Variants in ZDHHC20 observed in about 807,000 individuals in gnomAD.
ZDHHC20 encodes palmitoyltransferase ZDHHC20.
ZDHHC20 carries 43 observed loss-of-function variants against 57.8 expected under a neutral mutation model. The ratio of observed to expected loss-of-function variants is 0.74; its 90% CI spans 0.58 to 0.96. ZDHHC20 has a LOEUF of 0.96. Ranked by LOEUF, ZDHHC20 falls within the 40% of genes least tolerant of loss-of-function variation. The pLI, the probability that ZDHHC20 is intolerant of heterozygous loss-of-function variation, is 0.00. For missense variants in ZDHHC20, 391 were observed against 441.1 expected (o/e 0.89, Z 1.02); for synonymous variants, 157 against 153.0 (o/e 1.03, Z -0.19).
At chr13:21,436,372 C>T (rs1006147419) in intron 1 of ZDHHC20, among the ~76,000 whole-genome samples, 6 of 152,178 alleles carry the variant, frequency 3.9e-5, no homozygotes, top group African/African-American at 9.7e-5. Context: ...TTTTACAAAT[C>T]GAAGGTTGTG....
intron 1 of ZDHHC20, among the ~76,000 whole-genome samples, chr13:21,436,837 C>CGCTA (rs1882599473): frequency 6.6e-6 from 1 of 152,172 alleles, no homozygotes; most frequent in African/African-American, 2.4e-5. Context: ...ACAGGATAAA[C>CGCTA]GCTAGGCCTC....
Position 21,373,181 on chromosome 13 carries a change from G to T in ZDHHC20, c.*3515C>A, listed in dbSNP as rs1290854582. ...AAAAATACTTTCCATTGATAGCAGT[G>T]CTAGTCCCTAGAACAAAAGGTAAGC... On this transcript the variant is annotated 3_prime_UTR_variant, in exon 13 of 13. Transcript: ENST00000400590. 3.9e-5 allele frequency: 6 copies of T among 152,108 alleles called. No homozygotes were observed. The highest frequency in any genetic ancestry group is 8.8e-5 in the Non-Finnish European group (6 of 67,990). The allele number at this position is 152,108 out of a possible 1,614,324, so 9.4% of individuals were successfully genotyped here.
At chr13:21,381,158 C>G (rs965201554) in intron 11 of ZDHHC20, among the ~76,000 whole-genome samples, 2 of 152,088 alleles carry the variant, frequency 1.3e-5, no homozygotes, top group Admixed American at 6.5e-5. Flanking sequence ...AGGCGCCCGC[C>G]ACCACGCCCG....
intron 1 of ZDHHC20, among the ~76,000 whole-genome samples, chr13:21,435,672 T>C (rs1593263399): frequency 6.6e-6 from 1 of 152,326 alleles, no homozygotes; most frequent in East Asian, 1.9e-4. Flanking sequence ...GAAGAAATCA[T>C]GGAATTAGAA....
intron 1 of ZDHHC20, among the ~76,000 whole-genome samples, chr13:21,431,248 T>C (rs187820949): frequency 1.7e-4 from 26 of 152,240 alleles, no homozygotes; most frequent in South Asian, 4.1e-4. Context: ...AAAGGCACTT[T>C]TTACACAGTG....
chr13:21,386,036 T>C (rs1393457257), intron 9 of ZDHHC20, among the ~76,000 whole-genome samples: 5 of 152,194 alleles, frequency 3.3e-5, no homozygotes, highest in African/African-American at 1.2e-4. Context: ...CTTCAAAATT[T>C]CTGTTTAGAG....
intron 11 of ZDHHC20, among the ~76,000 whole-genome samples, chr13:21,380,041 T>C (rs1195976029): frequency 2.0e-5 from 3 of 151,750 alleles, no homozygotes; most frequent in African/African-American, 7.3e-5. Context: ...GGTCTCGATC[T>C]CGTGACCTCG....
intron 1 of ZDHHC20, among the ~76,000 whole-genome samples, chr13:21,439,060 A>C (rs1882853245): frequency 6.6e-6 from 1 of 152,146 alleles, no homozygotes; most frequent in Non-Finnish European, 1.5e-5. Flanking sequence ...GAAACCAAAA[A>C]CTTGTATGAC....
intron 1 of ZDHHC20, among the ~76,000 whole-genome samples, chr13:21,431,860 A>T (rs1381541010): frequency 2.0e-5 from 3 of 152,180 alleles, no homozygotes; most frequent in East Asian, 3.9e-4. Context: ...ACAAATCTTG[A>T]TATGTGTGTG....
At chr13:21,388,412 T>C (rs2137698201) in intron 8 of ZDHHC20, among the ~76,000 whole-genome samples, 1 of 150,424 alleles carries the variant, frequency 6.6e-6, no homozygotes, top group South Asian at 2.1e-4. Context: ...TGGGAAGGAG[T>C]CTAGAAAAGT....
chr13:21,409,814 T>C (rs1195458703), intron 4 of ZDHHC20, among the ~76,000 whole-genome samples: 1 of 152,218 alleles, frequency 6.6e-6, no homozygotes, highest in African/African-American at 2.4e-5. Flanking sequence ...CTTGGCTTCC[T>C]TGCATTTGGT....
At chr13:21,409,861 C>T (rs954646088) in intron 4 of ZDHHC20, among the ~76,000 whole-genome samples, 7 of 152,150 alleles carry the variant, frequency 4.6e-5, no homozygotes, top group Non-Finnish European at 8.8e-5. Context: ...AGTTTATTAT[C>T]CACCTTCTGA....
chr13:21,415,458 A>T (rs1416173171), intron 3 of ZDHHC20, among the ~76,000 whole-genome samples: 1 of 152,208 alleles, frequency 6.6e-6, no homozygotes, highest in Non-Finnish European at 1.5e-5. Flanking sequence ...ACAAGAAGCA[A>T]CATGGACAGA....
At chr13:21,428,119 T>G (rs1199254220) in intron 1 of ZDHHC20, among the ~76,000 whole-genome samples, 11 of 152,214 alleles carry the variant, frequency 7.2e-5, no homozygotes, top group Non-Finnish European at 1.6e-4. Flanking sequence ...CACCTCTAAC[T>G]ACAGAGACAA....
At chr13:21,381,341 A>C in intron 11 of ZDHHC20, 93 bp downstream of exon 11, 3 of 1,056,086 alleles carry the variant, frequency 2.8e-6, no homozygotes, top group Non-Finnish European at 2.8e-6. Flanking sequence ...AGTATTTTTA[A>C]AATGTTACAT....
intron 1 of ZDHHC20, among the ~76,000 whole-genome samples, chr13:21,436,639 C>CCT (rs1212256161): frequency 1.1e-4 from 16 of 152,178 alleles, no homozygotes; most frequent in Non-Finnish European, 1.6e-4. Context: ...ACCAGACATT[C>CCT]CTCTATCTCT....
intron 2 of ZDHHC20, among the ~76,000 whole-genome samples, chr13:21,423,282 T>G (rs1880848484): frequency 1.3e-5 from 2 of 152,200 alleles, no homozygotes; most frequent in African/African-American, 4.8e-5. Flanking sequence ...CCACTAACAT[T>G]GATTGTCATA....
chr13:21,431,264 A>G (rs1465920264), intron 1 of ZDHHC20, among the ~76,000 whole-genome samples: 1 of 152,176 alleles, frequency 6.6e-6, no homozygotes, highest in Non-Finnish European at 1.5e-5. Context: ...CAGTGGAGGC[A>G]AGAGAAAATG....
chr13:21,390,358 C>A (rs1036690516), intron 8 of ZDHHC20: 3 of 152,246 alleles, frequency 2.0e-5, no homozygotes, highest in Admixed American at 1.3e-4. Flanking sequence ...TGAGCAATGC[C>A]ACCATTGCTG....
Sources: allele counts gnomAD v4.1 joint callset (sites outside exome capture counted in the v4.1 genomes callset), GRCh38; gene constraint gnomAD v4.1.1; transcripts MANE v1.5; gene names NCBI Gene and HGNC (gene_info 2026-07-23, HGNC 2026-07-21).